RTN4RL2: variants seen among roughly 807,000 people sequenced by gnomAD.
RTN4RL2 encodes reticulon-4 receptor-like 2.
A neutral mutation model predicts 27.8 loss-of-function variants in RTN4RL2; 9 were observed. That is an observed-to-expected ratio of 0.32 (90% CI 0.20 to 0.57). RTN4RL2 has a LOEUF of 0.57. Among genes scored for constraint, RTN4RL2 ranks in the 20% least tolerant of loss-of-function variants. RTN4RL2 has a pLI of 0.90. For missense variants in RTN4RL2, 436 were observed against 596.8 expected (o/e 0.73, Z 2.81); for synonymous variants, 285 against 297.9 (o/e 0.96, Z 0.45).
intron 1 of RTN4RL2, among the ~76,000 whole-genome samples, chr11:57,466,341 G>A (rs773049093): frequency 4.6e-5 from 7 of 152,260 alleles, no homozygotes; most frequent in Non-Finnish European, 5.9e-5. Context: ...GCAGTGGCAC[G>A]GGCCTGTGGT....
intron 2 of RTN4RL2, chr11:57,468,940 G>A (rs1172119663): frequency 1.3e-6 from 1 of 741,358 alleles, no homozygotes; most frequent in African/African-American, 1.7e-5. Context: ...ATTTCCCCAG[G>A]AAGCAATAAC....
In RTN4RL2 at chr11:57,476,154, C is replaced by G. The variant is rs768950724; in HGVS notation, c.514-8C>G. On this transcript the variant is annotated splice_region_variant and splice_polypyrimidine_tract_variant and intron_variant, in intron 2 of 2. Transcript: ENST00000335099. This position sits in a 1 kb window ranked among gnomAD's most constrained non-coding sequence, Gnocchi z 8.2. ...CTCTTCTTCTGTGCCCCACTCCACC[C>G]CACCCAGGATGACTTGTTCGCGGAC... The G allele has an allele frequency of 1.3e-6, 2 of 1,598,216 alleles. No homozygotes were observed. Among genetic ancestry groups the G allele is most frequent in the Non-Finnish European group, 1.7e-6 (2 of 1,171,294 alleles).
At chr11:57,462,594 T>C (rs1196314525) in intron 1 of RTN4RL2, among the ~76,000 whole-genome samples, 1 of 152,224 alleles carries the variant, frequency 6.6e-6, no homozygotes, top group Non-Finnish European at 1.5e-5. Context: ...CTCCTCAAGT[T>C]CCTTCTTCTA....
At chr11:57,472,346 G>A (rs929954904) in intron 2 of RTN4RL2, among the ~76,000 whole-genome samples, 21 of 151,852 alleles carry the variant, frequency 1.4e-4, no homozygotes, top group Non-Finnish European at 2.8e-4. Context: ...CCCAGTAGCT[G>A]GAACTACAGA....
intron 2 of RTN4RL2, among the ~76,000 whole-genome samples, chr11:57,474,429 C>T (rs1289015462): frequency 6.6e-6 from 1 of 152,188 alleles, no homozygotes; most frequent in Non-Finnish European, 1.5e-5. Flanking sequence ...CGACCAGGCT[C>T]CTGGGTGGCA....
At chr11:57,461,582 G>T (rs1943486149) in intron 1 of RTN4RL2, among the ~76,000 whole-genome samples, 1 of 151,804 alleles carries the variant, frequency 6.6e-6, no homozygotes, top group Admixed American at 6.6e-5. Flanking sequence ...AGCGTGGAGG[G>T]AAGTGGGACC....
intron 2 of RTN4RL2, among the ~76,000 whole-genome samples, chr11:57,470,715 A>G (rs1943557951): frequency 6.6e-6 from 1 of 152,194 alleles, no homozygotes. Context: ...CATGCATTTA[A>G]TGCTTTCAAA....
At chr11:57,468,424 C>T in intron 2 of RTN4RL2, 4 of 769,388 alleles carry the variant, frequency 5.2e-6, no homozygotes, top group Non-Finnish European at 8.4e-6. Context: ...TTGCCTCCCC[C>T]ATCTGTCTTC....
At chr11:57,461,571 A>G (rs376961955) in intron 1 of RTN4RL2, among the ~76,000 whole-genome samples, 179 of 151,502 alleles carry the variant, frequency 1.2e-3, no homozygotes, top group African/African-American at 4.2e-3. Flanking sequence ...TAGATGGGAA[A>G]AGCGTGGAGG....
chr11:57,470,044 G>C (rs1943552496), intron 2 of RTN4RL2, among the ~76,000 whole-genome samples: 1 of 152,156 alleles, frequency 6.6e-6, no homozygotes, highest in Non-Finnish European at 1.5e-5. Context: ...GGAAGAGCTG[G>C]CGCTTGAACC....
chr11:57,476,240 G>A lies in RTN4RL2; in HGVS notation c.592G>A (p.Val198Met), dbSNP rs1276530134. 6.2e-7 allele frequency: 1 copy of A among 1,612,626 alleles called. No homozygotes were observed. Among genetic ancestry groups the A allele is most frequent in the Admixed American group, 1.7e-5 (1 of 59,974 alleles). The change falls in exon 3 of 3, where the codon GTG becomes ATG. Residue 198 changes from valine to methionine, a missense_variant. Val to Met is a conservative substitution (Grantham distance 21, BLOSUM62 1). Transcript: ENST00000335099. This position sits in a 1 kb window ranked among gnomAD's most constrained non-coding sequence, Gnocchi z 8.2. ...GNRLRLLTEH[V>M]FRGLGSLDRL... ...CCGCCTGCGGCTGCTCACAGAGCAC[G>A]TGTTTCGCGGCCTGGGCAGCCTGGA...
chr11:57,468,622 T>TGGGCTA, intron 2 of RTN4RL2: 4 of 1,536,542 alleles, frequency 2.6e-6, no homozygotes, highest in Non-Finnish European at 3.5e-6. Context: ...TCTGCCCACA[T>TGGGCTA]CACGGTGAAG....
chr11:57,468,502 G>T (rs1459051811), intron 2 of RTN4RL2: 1 of 1,442,472 alleles, frequency 6.9e-7, no homozygotes, highest in Admixed American at 2.0e-5. Flanking sequence ...CTGCGTGTGT[G>T]TATCTGTCTC....
In RTN4RL2 at chr11:57,465,679, A is replaced by G. The variant is rs574302454; in HGVS notation, c.32-1930A>G. 3.3e-4 allele frequency among the ~76,000 whole-genome samples: 50 copies of G among 152,274 alleles called. No homozygotes were observed. The South Asian group carries it at 3.7e-3, about 11-fold the overall frequency. On this transcript the variant is annotated intron_variant, in intron 1 of 2. Coordinates refer to ENST00000335099, the MANE Select transcript of RTN4RL2 (RefSeq NM_178570.3). ...GCTAGTTCCGGCCTAGAACTTTATCAGCTATAGTGACGGCAAAGGCCAGGG... is the reference window on the plus strand; with the variant it reads ...GCTAGTTCCGGCCTAGAACTTTATCGGCTATAGTGACGGCAAAGGCCAGGG...
Position 57,476,216 on chromosome 11 carries a change from C to T in RTN4RL2, c.568C>T (p.Arg190Cys), listed in dbSNP as rs1370570622. ...GAGCCACCTCTTCCTCCACGGGAAC[C>T]GCCTGCGGCTGCTCACAGAGCACGT... is the stretch of plus-strand genomic sequence containing the variant. ...NLSHLFLHGN[R>C]LRLLTEHVFR... The change falls in exon 3 of 3, where the codon CGC (arginine) becomes TGC (cysteine). Residue 190 changes from arginine to cysteine, a missense_variant. Arg to Cys is a radical substitution (Grantham distance 180, BLOSUM62 -3). Transcript: ENST00000335099. The surrounding 1 kb of genome is among the most constrained non-coding windows in gnomAD (Gnocchi z 8.2). 1.2e-6 allele frequency: 2 copies of T among 1,612,010 alleles called. No individual in the cohort carries two copies. The highest frequency in any genetic ancestry group is 8.5e-7 in the Non-Finnish European group (1 of 1,179,134).
chr11:57,473,337 C>T (rs947158315), intron 2 of RTN4RL2, among the ~76,000 whole-genome samples: 6 of 152,198 alleles, frequency 3.9e-5, no homozygotes, highest in East Asian at 1.9e-4. Context: ...CTTGGAGCTG[C>T]GCAAGGTCAC....
At chr11:57,475,197 G>A (rs900469357) in intron 2 of RTN4RL2, among the ~76,000 whole-genome samples, 1 of 152,116 alleles carries the variant, frequency 6.6e-6, no homozygotes, top group African/African-American at 2.4e-5. Context: ...CCTGCTGAGG[G>A]GGTTATACAT....
Position 57,467,654 on chromosome 11 carries a change from TG to T in RTN4RL2, c.79del (p.Ala27ArgfsTer18). 1 of 1,610,506 alleles carries T rather than the reference TG, an allele frequency of 6.2e-7. No individual in the cohort carries two copies. Reference sequence around the variant, plus strand: ...CTGCTGATGCTCCTGGCCCTGCCCCTGGCGGCCCCCAGCTGCCCCATGCTCT... The same window carrying T: ...CTGCTGATGCTCCTGGCCCTGCCCCTGCGGCCCCCAGCTGCCCCATGCTCT... ...CLLLMLLALP[L>X]AAPSCPMLCT... On this transcript the variant is annotated frameshift_variant, in exon 2 of 3. Coordinates refer to ENST00000335099, the MANE Select transcript of RTN4RL2 (RefSeq NM_178570.3). LOFTEE classifies it high-confidence loss of function. This position sits in a 1 kb window ranked among gnomAD's most constrained non-coding sequence, Gnocchi z 5.5.
intron 1 of RTN4RL2, among the ~76,000 whole-genome samples, chr11:57,464,464 G>A (rs1173967573): frequency 6.6e-6 from 1 of 152,192 alleles, no homozygotes; most frequent in Non-Finnish European, 1.5e-5. Context: ...TGGATAAGGG[G>A]TAGGATTAAG....
Sources: allele counts gnomAD v4.1 joint callset (sites outside exome capture counted in the v4.1 genomes callset), GRCh38; gene constraint gnomAD v4.1.1; non-coding constraint Gnocchi (gnomAD v3.1); transcripts MANE v1.5; gene names NCBI Gene and HGNC (gene_info 2026-07-23, HGNC 2026-07-21).